Variants in RNF150 observed in about 807,000 individuals in gnomAD.
The protein encoded by RNF150 is ring finger protein 150.
RNF150 carries 24 observed loss-of-function variants against 39.3 expected under a neutral mutation model. That is an observed-to-expected ratio of 0.61 (90% CI 0.44 to 0.86). The LOEUF (loss-of-function observed/expected upper bound fraction) is 0.86, where lower values mean the gene tolerates loss of function less well. Among genes scored for constraint, RNF150 ranks in the 40% least tolerant of loss-of-function variants. RNF150 has a pLI of 0.00. For missense variants in RNF150, 502 were observed against 587.8 expected, an observed-to-expected ratio of 0.85 and a Z score of 1.51; for synonymous variants, 255 against 227.3, an observed-to-expected ratio of 1.12 and a Z score of -1.10.
At chr4:141,025,962 G>A (rs1735680250) in intron 1 of RNF150, among the ~76,000 whole-genome samples, 1 of 152,058 alleles carries the variant, frequency 6.6e-6, no homozygotes, top group African/African-American at 2.4e-5. Context: ...GTCATGAACT[G>A]GATTAGCGTC....
At chr4:140,941,568 G>A (rs1162524715) in intron 4 of RNF150, among the ~76,000 whole-genome samples, 6 of 152,074 alleles carry the variant, frequency 3.9e-5, no homozygotes, top group Admixed American at 2.0e-4. Flanking sequence ...TGAATTTGAA[G>A]TTGTACTTGT....
At chr4:141,117,045 A>C (rs1739571651) in intron 1 of RNF150, among the ~76,000 whole-genome samples, 1 of 152,144 alleles carries the variant, frequency 6.6e-6, no homozygotes, top group Non-Finnish European at 1.5e-5. Flanking sequence ...ATACCTAATT[A>C]GATGATGGGT....
exon 1 of RNF150, chr4:141,212,823 GA>G (rs1345036621): frequency 6.6e-6 from 1 of 152,640 alleles, no homozygotes; most frequent in African/African-American, 2.4e-5. Flanking sequence ...GAGGTCTCAG[GA>G]AACAGGCAAT....
chr4:140,891,769 A>G (rs1729762405), intron 6 of RNF150, among the ~76,000 whole-genome samples: 1 of 152,204 alleles, frequency 6.6e-6, no homozygotes, highest in African/African-American at 2.4e-5. Context: ...TCTGGGCCAC[A>G]CAGCAGGAGG....
chr4:141,077,042 T>C (rs1234197351), intron 1 of RNF150, among the ~76,000 whole-genome samples: 2 of 152,156 alleles, frequency 1.3e-5, no homozygotes, highest in African/African-American at 4.8e-5. Context: ...AGTCACCTGG[T>C]TTAGGGTTGT....
chr4:141,170,257 C>G (rs988332985), intron 1 of RNF150, among the ~76,000 whole-genome samples: 3 of 152,082 alleles, frequency 2.0e-5, no homozygotes, highest in African/African-American at 7.2e-5. Flanking sequence ...TTGACGAATG[C>G]TCTTTGGACC....
At chr4:141,091,192 G>A (rs972246993) in intron 1 of RNF150, among the ~76,000 whole-genome samples, 1 of 152,160 alleles carries the variant, frequency 6.6e-6, no homozygotes, top group African/African-American at 2.4e-5. Context: ...CCTCTGGAAG[G>A]TCTAGCTTTC....
chr4:141,037,829 G>C (rs527868961), intron 1 of RNF150, among the ~76,000 whole-genome samples: 2 of 152,036 alleles, frequency 1.3e-5, no homozygotes, highest in Non-Finnish European at 2.9e-5. Context: ...AGTTAATGGG[G>C]CACTATGTAC....
At chr4:141,208,364 G>A (rs757727057) in intron 1 of RNF150, among the ~76,000 whole-genome samples, 100 of 150,140 alleles carry the variant, frequency 6.7e-4, no homozygotes, top group Middle Eastern at 3.4e-3. Context: ...ATTAAGCAAG[G>A]AAAAAAAAAG....
intron 1 of RNF150, among the ~76,000 whole-genome samples, chr4:141,018,088 CCTAA>C (rs143615522): frequency 0.028 from 4,209 of 152,114 alleles, 210 homozygotes; most frequent in African/African-American, 0.096. Flanking sequence ...ATTATAATTT[CCTAA>C]CTATTAATAG....
chr4:141,139,074 A>G (rs954058300), intron 1 of RNF150, among the ~76,000 whole-genome samples: 1 of 152,082 alleles, frequency 6.6e-6, no homozygotes, highest in Non-Finnish European at 1.5e-5. Context: ...TTAGCTAGGC[A>G]TGGTGGCACA....
At chr4:141,174,004 A>G (rs1399403129) in intron 1 of RNF150, among the ~76,000 whole-genome samples, 1 of 152,222 alleles carries the variant, frequency 6.6e-6, no homozygotes, top group African/African-American at 2.4e-5. Flanking sequence ...GAATGTTTGT[A>G]CATTTTACAG....
At chr4:141,203,981 A>G (rs1191911919) in intron 1 of RNF150, among the ~76,000 whole-genome samples, 2 of 152,172 alleles carry the variant, frequency 1.3e-5, no homozygotes, top group African/African-American at 4.8e-5. Context: ...AGAGAAAAGA[A>G]ATCCAAGCCA....
intron 1 of RNF150, among the ~76,000 whole-genome samples, chr4:141,159,040 G>A (rs1727467679): frequency 6.6e-6 from 1 of 152,172 alleles, no homozygotes; most frequent in Non-Finnish European, 1.5e-5. Flanking sequence ...TCTGGAAAAT[G>A]CTGTAAACTA....
intron 1 of RNF150, among the ~76,000 whole-genome samples, chr4:141,128,318 C>G (rs1020726285): frequency 2.6e-5 from 4 of 152,198 alleles, no homozygotes; most frequent in Admixed American, 2.0e-4. Flanking sequence ...TTATCCTCCA[C>G]TTCACAAAGG....
At chr4:141,154,924 G>A (rs1020447900) in intron 1 of RNF150, among the ~76,000 whole-genome samples, 4 of 152,120 alleles carry the variant, frequency 2.6e-5, no homozygotes, top group Non-Finnish European at 4.4e-5. Flanking sequence ...TAGGAGACAG[G>A]CATTTTAGAA....
At chr4:141,206,373 C>G (rs954698836) in intron 1 of RNF150, among the ~76,000 whole-genome samples, 1 of 143,556 alleles carries the variant, frequency 7.0e-6, no homozygotes, top group African/African-American at 2.6e-5. Flanking sequence ...GAGCCAAGAT[C>G]GCAGCATTGC....
chr4:141,059,201 T>G (rs1461319939), intron 1 of RNF150, among the ~76,000 whole-genome samples: 1 of 152,170 alleles, frequency 6.6e-6, no homozygotes, highest in Non-Finnish European at 1.5e-5. Context: ...GCAGTCCTTT[T>G]CTCACTGAGA....
chr4:140,925,569 C>T (rs1308606899), intron 5 of RNF150, among the ~76,000 whole-genome samples: 1 of 152,132 alleles, frequency 6.6e-6, no homozygotes, highest in East Asian at 1.9e-4. Context: ...CCTCTGAAAG[C>T]CAGGTGATCG....
Sources: gnomAD v4.1 joint callset for allele counts (sites outside exome capture counted in the v4.1 genomes callset) on GRCh38, gnomAD v4.1.1 for gene constraint, MANE v1.5 for transcripts, NCBI Gene and HGNC (gene_info 2026-07-23, HGNC 2026-07-21) for gene names.